Variants in ADGRA3 observed in about 807,000 individuals in gnomAD.
The protein encoded by ADGRA3 is adhesion G protein-coupled receptor A3, also known as G-protein coupled receptor 125.
A neutral mutation model predicts 119.8 loss-of-function variants in ADGRA3; 56 were observed. That is an observed-to-expected ratio of 0.47 (90% CI 0.38 to 0.58). The LOEUF (loss-of-function observed/expected upper bound fraction) is 0.58. Among genes scored for constraint, ADGRA3 ranks in the 20% least tolerant of loss-of-function variants. ADGRA3 has a pLI of 0.00. For synonymous variants in ADGRA3, 607 were observed against 623.8 expected (o/e 0.97, Z 0.40); for missense variants, 1,516 against 1,649.0 (o/e 0.92, Z 1.40).
At chr4:22,396,169 A>G (rs1714340753) in intron 16 of ADGRA3, among the ~76,000 whole-genome samples, 1 of 152,164 alleles carries the variant, frequency 6.6e-6, no homozygotes, top group African/African-American at 2.4e-5. Flanking sequence ...TCGTCACTCA[A>G]CTTCTTAGTT....
At chr4:22,399,807 T>A (rs1212918332) in intron 16 of ADGRA3, among the ~76,000 whole-genome samples, 4 of 149,842 alleles carry the variant, frequency 2.7e-5, no homozygotes, top group Non-Finnish European at 5.9e-5. Context: ...CTTTCTTTGG[T>A]CATTTATTTT....
At chr4:22,432,020 T>C (rs990321097) in intron 10 of ADGRA3, among the ~76,000 whole-genome samples, 8 of 152,104 alleles carry the variant, frequency 5.3e-5, no homozygotes, top group African/African-American at 1.9e-4. Flanking sequence ...AGTGAGGGCT[T>C]GCTGTATTGA....
chr4:22,414,721 C>T (rs1257055517), intron 12 of ADGRA3: 5 of 615,410 alleles, frequency 8.1e-6, no homozygotes, highest in Non-Finnish European at 2.9e-6. Context: ...AAATCTATTG[C>T]TCAGATGTAT....
intron 7 of ADGRA3, 68 bp from the exon 8 acceptor site, chr4:22,438,488 T>G: frequency 1.6e-6 from 2 of 1,229,228 alleles, no homozygotes; most frequent in South Asian, 3.0e-5. Flanking sequence ...ATAATGGGTC[T>G]CAATCATTAA....
intron 1 of ADGRA3, among the ~76,000 whole-genome samples, chr4:22,476,688 C>T (rs1424236575): frequency 6.0e-5 from 9 of 149,160 alleles, no homozygotes; most frequent in African/African-American, 9.9e-5. Flanking sequence ...TTTTTTTAGA[C>T]GTAGTCTTGC....
chr4:22,475,056 T>TA lies in ADGRA3; in HGVS notation c.258-1214dup, dbSNP rs1234711515. Among the ~76,000 whole-genome samples the TA allele has an allele frequency of 3.9e-5, 6 of 152,346 alleles. No individual in the cohort carries two copies. The East Asian group carries it at 1.2e-3, about 29-fold the overall frequency. ...ATTTTCTTTTATCTAAGTGAAATTT[T>TA]AAAATCCCTGCAGATTAACATATCA... On this transcript the variant is annotated intron_variant, in intron 1 of 18. Transcript: ENST00000334304.
intron 2 of ADGRA3, 124 bp downstream of exon 2, chr4:22,473,648 A>G (rs1439814097): frequency 3.6e-6 from 2 of 561,022 alleles, no homozygotes; most frequent in African/African-American, 3.8e-5. Flanking sequence ...TCATTAAAAA[A>G]TGTTAGAAAA....
At position 22,388,220 on chromosome 4, in the gene ADGRA3, TATC is replaced by T; in HGVS notation, c.3448_3450del (p.Asp1150del). 6.2e-7 allele frequency: 1 copy of T among 1,614,136 alleles called. No individual in the cohort carries two copies. On this transcript the variant is annotated inframe_deletion, in exon 19 of 19. Coordinates refer to ENST00000334304, the MANE Select transcript of ADGRA3 (RefSeq NM_145290.4). ...TCTAAAGGCGCCACGTGCATTTTAA[TATC>T]ATTGTCCATTGAATGTTCTGTCAGA...
At chr4:22,497,994 C>A (rs6818233) in intron 1 of ADGRA3, among the ~76,000 whole-genome samples, 135,058 of 149,810 alleles carry the variant, frequency 0.9, 60,928 homozygotes, top group East Asian at 0.99. Flanking sequence ...TAATCCCAAC[C>A]CTTTGGCAGG....
At chr4:22,390,069 A>G (rs1714046248) in intron 17 of ADGRA3, among the ~76,000 whole-genome samples, 1 of 151,886 alleles carries the variant, frequency 6.6e-6, no homozygotes, top group African/African-American at 2.4e-5. Context: ...CTATAAAACT[A>G]TAATTCTGCC....
At chr4:22,422,528 C>T (rs1349827361) in intron 11 of ADGRA3, among the ~76,000 whole-genome samples, 1 of 152,044 alleles carries the variant, frequency 6.6e-6, no homozygotes. Context: ...AAACAACCAC[C>T]AGATCTTCTG....
intron 4 of ADGRA3, among the ~76,000 whole-genome samples, chr4:22,450,876 G>T (rs1306719271): frequency 6.7e-6 from 1 of 149,874 alleles, no homozygotes; most frequent in Non-Finnish European, 1.5e-5. Context: ...AAACTGAGTT[G>T]CCAGGTACAG....
chr4:22,465,535 CCA>C (rs1458942725), intron 2 of ADGRA3, among the ~76,000 whole-genome samples: 1 of 152,124 alleles, frequency 6.6e-6, no homozygotes, highest in Non-Finnish European at 1.5e-5. Context: ...CTGGATCCAG[CCA>C]AGCCTGAAAT....
At chr4:22,498,097 C>T (rs1470793774) in intron 1 of ADGRA3, among the ~76,000 whole-genome samples, 2 of 151,144 alleles carry the variant, frequency 1.3e-5, no homozygotes, top group Non-Finnish European at 2.9e-5. Context: ...AAAAATTAGC[C>T]GGGCGTGCTG....
rs1553879693 is a variant in ADGRA3, at chr4:22,473,825, C to T, written c.276G>A (p.Lys92=). 6.2e-7 allele frequency: 1 copy of T among 1,604,618 alleles called. No homozygotes were observed. Among genetic ancestry groups the T allele is most frequent in the East Asian group, 2.2e-5 (1 of 44,654 alleles). The part of the protein sequence containing the change: ...RTVTLILSNN[K]ISELKNGSFS... ...ATGAGCCATTCTTCAGCTCGGATAT[C>T]TTATTGTTACTCAGAATCCTAAAAA... is the stretch of plus-strand genomic sequence containing the variant. Residue 92 remains lysine (K), a synonymous_variant, in exon 2 of 19, where the codon AAG becomes AAA. Coordinates refer to ENST00000334304, the MANE Select transcript of ADGRA3 (RefSeq NM_145290.4).
chr4:22,478,685 G>T (rs1718140062), intron 1 of ADGRA3, among the ~76,000 whole-genome samples: 1 of 152,176 alleles, frequency 6.6e-6, no homozygotes, highest in African/African-American at 2.4e-5. Context: ...AGGTTCTAGA[G>T]AGGAGAGCAT....
At chr4:22,471,360 G>T (rs1336579883) in intron 2 of ADGRA3, among the ~76,000 whole-genome samples, 1 of 152,110 alleles carries the variant, frequency 6.6e-6, no homozygotes, top group Non-Finnish European at 1.5e-5. Flanking sequence ...TAACTTTTGG[G>T]TACTGGGCTT....
At chr4:22,413,888 G>T in intron 12 of ADGRA3, 74 bp from the exon 13 acceptor site, 1 of 955,396 alleles carries the variant, frequency 1.0e-6, no homozygotes, top group Non-Finnish European at 1.5e-6. Flanking sequence ...ATGTCAGATA[G>T]TTACAAAAGT....
intron 1 of ADGRA3, among the ~76,000 whole-genome samples, chr4:22,510,599 G>A (rs931495713): frequency 2.6e-5 from 4 of 152,006 alleles, no homozygotes; most frequent in South Asian, 2.1e-4. Context: ...GGGCCGGGCC[G>A]ATGGTTCCAA....
Sources: gnomAD v4.1 joint callset for allele counts (sites outside exome capture counted in the v4.1 genomes callset) on GRCh38, gnomAD v4.1.1 for gene constraint, MANE v1.5 for transcripts, NCBI Gene and HGNC (gene_info 2026-07-23, HGNC 2026-07-21) for gene names.